The following CERS6 variants were observed in gnomAD, a reference collection of about 807,000 sequenced individuals.
CERS6 encodes LAG1 homolog, ceramide synthase 6.
Under a neutral mutation model 56.8 loss-of-function variants are expected in CERS6, and 26 were observed. The ratio of observed to expected loss-of-function variants is 0.46; its 90% confidence interval spans 0.34 to 0.63. The LOEUF (loss-of-function observed/expected upper bound fraction) is 0.63, where lower values mean the gene tolerates loss of function less well. Among genes scored for constraint, CERS6 ranks in the 30% least tolerant of loss-of-function variants. The pLI, the probability that CERS6 is intolerant of heterozygous loss-of-function variation, is 0.01. For missense variants in CERS6, 415 were observed against 467.5 expected (o/e 0.89, Z 1.04); for synonymous variants, 164 against 173.3 (o/e 0.95, Z 0.42).
chr2:168,771,358 C>T lies in CERS6; in HGVS notation c.*1696C>T, dbSNP rs1351820365. 2 of 152,150 alleles carry T rather than the reference C, an allele frequency of 1.3e-5. No individual in the cohort carries two copies. Among genetic ancestry groups the T allele is most frequent in the Admixed American group, 6.5e-5 (1 of 15,274 alleles). 9.4% of individuals were successfully genotyped at this position (152,150 alleles called of 1,614,324 possible). A position where few individuals can be genotyped will look rare whatever the true frequency, so the allele number is the denominator to read the frequency against. The stretch of plus-strand genomic sequence containing the variant: ...TATTATATCTTGCCCTACTTATTTA[C>T]AAAATAATATGTTTCTGTTATGGTC... On this transcript the variant is annotated 3_prime_UTR_variant, in exon 10 of 10. Transcript: ENST00000305747.
At chr2:168,665,170 G>A (rs1685726708) in intron 4 of CERS6, among the ~76,000 whole-genome samples, 1 of 152,070 alleles carries the variant, frequency 6.6e-6, no homozygotes, top group Non-Finnish European at 1.5e-5. Context: ...AAAGGTAAAT[G>A]AAAAGATGGT....
chr2:168,695,301 C>A (rs917326896), intron 6 of CERS6, among the ~76,000 whole-genome samples: 1 of 152,112 alleles, frequency 6.6e-6, no homozygotes, highest in African/African-American at 2.4e-5. Flanking sequence ...AATGAATCCC[C>A]GTAGAAATGA....
At chr2:168,477,199 G>GAGAGAGAT (rs1553483342) in intron 1 of CERS6, among the ~76,000 whole-genome samples, 1 of 150,846 alleles carries the variant, frequency 6.6e-6, no homozygotes, top group African/African-American at 2.4e-5. Flanking sequence ...GAGAGAGAGA[G>GAGAGAGAT]AGAGAGAGAG....
At chr2:168,472,882 C>T (rs970469893) in intron 1 of CERS6, among the ~76,000 whole-genome samples, 6 of 151,946 alleles carry the variant, frequency 3.9e-5, no homozygotes, top group Non-Finnish European at 8.8e-5. Context: ...CAAAGGTATC[C>T]GATACTTTGG....
chr2:168,600,031 T>C (rs1273406600), intron 3 of CERS6, among the ~76,000 whole-genome samples: 4 of 152,178 alleles, frequency 2.6e-5, no homozygotes, highest in Admixed American at 2.0e-4. Context: ...CTTGGGTTGT[T>C]ATAGCAGCAT....
chr2:168,744,971 T>C (rs995310661), intron 8 of CERS6, among the ~76,000 whole-genome samples: 22 of 152,186 alleles, frequency 1.4e-4, no homozygotes, highest in Non-Finnish European at 2.6e-4. Context: ...TCTGGAGATA[T>C]GTGGCAAGCG....
rs201172312 is a variant in CERS6, at chr2:168,652,786, T to TA, written c.465+21752dup. 3.7e-3 allele frequency among the ~76,000 whole-genome samples: 558 copies of TA among 152,094 alleles called. 4 individuals carry two copies. Among genetic ancestry groups the TA allele is most frequent in the African/African-American group, 0.012 (505 of 41,474 alleles). On this transcript the variant is annotated intron_variant, in intron 4 of 9. Transcript: ENST00000305747. ...ACTAAGGAGCTTTTTGCTTCTGTCTTAAAAAAAATCACGATCTTCCTCATG... is the reference window on the plus strand; with the variant it reads ...ACTAAGGAGCTTTTTGCTTCTGTCTTAAAAAAAAATCACGATCTTCCTCATG...
intron 1 of CERS6, among the ~76,000 whole-genome samples, chr2:168,535,505 G>A (rs1325700457): frequency 1.3e-5 from 2 of 151,988 alleles, no homozygotes; most frequent in African/African-American, 2.4e-5. Flanking sequence ...CTTCCTCTCC[G>A]TGGATCATGC....
intron 2 of CERS6, among the ~76,000 whole-genome samples, chr2:168,555,224 C>T (rs1280551571): frequency 1.3e-5 from 2 of 151,736 alleles, no homozygotes; most frequent in African/African-American, 2.4e-5. Flanking sequence ...AATTAGAAAA[C>T]AGAAAAATCA....
intron 3 of CERS6, among the ~76,000 whole-genome samples, chr2:168,625,785 G>C (rs758637610): frequency 2.6e-5 from 4 of 152,018 alleles, no homozygotes; most frequent in Admixed American, 2.0e-4. Flanking sequence ...AAACCCTCTG[G>C]GTAATAATTG....
chr2:168,634,251 C>T (rs1684813907), intron 4 of CERS6, among the ~76,000 whole-genome samples: 1 of 152,136 alleles, frequency 6.6e-6, no homozygotes, highest in African/African-American at 2.4e-5. Context: ...TCTGCTCATA[C>T]TTATAATTAG....
chr2:168,635,703 C>A (rs1377176136), intron 4 of CERS6, among the ~76,000 whole-genome samples: 1 of 152,204 alleles, frequency 6.6e-6, no homozygotes, highest in African/African-American at 2.4e-5. Context: ...ATTACATTGA[C>A]TTCATGACTA....
chr2:168,474,007 A>G (rs1188027030), intron 1 of CERS6, among the ~76,000 whole-genome samples: 1 of 152,234 alleles, frequency 6.6e-6, no homozygotes, highest in Non-Finnish European at 1.5e-5. Context: ...GCAGTGAGCT[A>G]TGATTGCACC....
At chr2:168,631,691 ATATT>A (rs1351725215) in intron 4 of CERS6, among the ~76,000 whole-genome samples, 1 of 85,512 alleles carries the variant, frequency 1.2e-5, no homozygotes, top group African/African-American at 4.5e-5. Flanking sequence ...ATATTTATAT[ATATT>A]TAATTTATAT....
intron 8 of CERS6, among the ~76,000 whole-genome samples, chr2:168,760,451 G>A (rs935990671): frequency 2.6e-5 from 4 of 152,042 alleles, no homozygotes; most frequent in African/African-American, 9.7e-5. Flanking sequence ...TCCTCAGCCC[G>A]CTGTCAAATG....
At chr2:168,558,538 A>G (rs1695723527) in intron 2 of CERS6, among the ~76,000 whole-genome samples, 1 of 152,244 alleles carries the variant, frequency 6.6e-6, no homozygotes, top group Admixed American at 6.5e-5. Flanking sequence ...ATAATAATAT[A>G]TATTCAAGTT....
At position 168,704,457 on chromosome 2, in the gene CERS6, G is replaced by A. The variant is rs751389031; in HGVS notation, c.609+9406G>A. On this transcript the variant is annotated intron_variant, in intron 6 of 9. Transcript: ENST00000305747. Reference sequence around the variant, plus strand: ...CCTTGGGAAAACACCCACTTTGGCCGTTTATAGCTCTGTCTCTCTCCCTGA... The same window carrying A: ...CCTTGGGAAAACACCCACTTTGGCCATTTATAGCTCTGTCTCTCTCCCTGA... 3.2e-4 allele frequency among the ~76,000 whole-genome samples: 48 copies of A among 152,028 alleles called. 1 individual carries two copies. The highest frequency in any genetic ancestry group is 2.2e-4 in the Non-Finnish European group (15 of 67,984).
intron 8 of CERS6, among the ~76,000 whole-genome samples, chr2:168,753,737 C>T (rs1295941707): frequency 6.6e-6 from 1 of 152,164 alleles, no homozygotes; most frequent in Non-Finnish European, 1.5e-5. Flanking sequence ...AAAGTGAAGA[C>T]TTAATCTTGT....
At chr2:168,657,981 T>C (rs1464240463) in intron 4 of CERS6, among the ~76,000 whole-genome samples, 5 of 151,282 alleles carry the variant, frequency 3.3e-5, no homozygotes, top group South Asian at 2.1e-4. Flanking sequence ...CTCTGAGGAC[T>C]GCCAGCACAC....
Sources: gnomAD v4.1 joint callset for allele counts (sites outside exome capture counted in the v4.1 genomes callset) on GRCh38, gnomAD v4.1.1 for gene constraint, MANE v1.5 for transcripts, NCBI Gene and HGNC (gene_info 2026-07-23, HGNC 2026-07-21) for gene names.